The following LRP11 variants were observed in gnomAD, a reference collection of about 807,000 sequenced individuals.
The protein encoded by LRP11 is LDL receptor related protein 11.
A neutral mutation model predicts 43.1 loss-of-function variants in LRP11; 25 were observed. The observed-to-expected ratio is 0.58, with a 90% confidence interval of 0.42 to 0.81. The LOEUF (loss-of-function observed/expected upper bound fraction) is 0.81, where lower values mean the gene tolerates loss of function less well. LRP11 is among the 30% of genes least tolerant of loss of function. The probability of loss-of-function intolerance (pLI) is 0.00; values close to 1 mark genes in which losing one functional copy is unlikely to be tolerated. For missense variants in LRP11, 623 were observed against 665.1 expected (o/e 0.94, Z 0.70); for synonymous variants, 316 against 299.4 (o/e 1.06, Z -0.57).
chr6:149,849,847 T>C (rs759723655), intron 2 of LRP11, among the ~76,000 whole-genome samples: 4 of 152,304 alleles, frequency 2.6e-5, no homozygotes, highest in Admixed American at 6.5e-5. Flanking sequence ...AAATTAACTA[T>C]TAATTGTTTC....
rs73779588 is a variant in LRP11 at position 149,855,649 on chromosome 6, C to T, written c.614-2489G>A. Among the ~76,000 whole-genome samples, 745 of 150,260 alleles carry T rather than the reference C, an allele frequency of 5.0e-3. 9 individuals carry two copies. Among genetic ancestry groups the T allele is most frequent in the African/African-American group, 0.017 (708 of 40,884 alleles). On this transcript the variant is annotated intron_variant, in intron 1 of 6. Coordinates refer to ENST00000239367, the MANE Select transcript of LRP11 (RefSeq NM_032832.6). ...GAGGGGTCTGGGGCTCTTAGAGATG[C>T]GGCTTTTCTGAATGAGAATGCTGCT...
chr6:149,864,027 G>C lies in LRP11; in HGVS notation c.-7C>G, dbSNP rs1327482083. ...CCTGGGCGACGGAGGCCATGGCGAC[G>C]AGAGCCAAGGGCAGCGAGCCGAGGC... On this transcript the variant is annotated 5_prime_UTR_variant, in exon 1 of 7. Transcript: ENST00000239367. The C allele has an allele frequency of 6.0e-6, 8 of 1,330,716 alleles. No individual in the cohort carries two copies. The highest frequency in any genetic ancestry group is 1.5e-5 in the African/African-American group (1 of 64,614). 82.4% of individuals were successfully genotyped at this position (1,330,716 alleles called of 1,614,324 possible).
intron 2 of LRP11, among the ~76,000 whole-genome samples, chr6:149,852,144 G>A (rs748150066): frequency 1.3e-5 from 2 of 152,160 alleles, no homozygotes; most frequent in African/African-American, 2.4e-5. Flanking sequence ...AAACCATACT[G>A]GACGAGGGTG....
chr6:149,863,147 A>G (rs371338711), intron 1 of LRP11, among the ~76,000 whole-genome samples: 2 of 152,324 alleles, frequency 1.3e-5, no homozygotes, highest in African/African-American at 4.8e-5. Flanking sequence ...CTTTTAAGTC[A>G]TATTTCCACG....
At chr6:149,858,410 G>A (rs749616226) in intron 1 of LRP11, among the ~76,000 whole-genome samples, 2 of 152,166 alleles carry the variant, frequency 1.3e-5, no homozygotes, top group Non-Finnish European at 2.9e-5. Flanking sequence ...AGTCCATGGA[G>A]TATATGTGCC....
intron 1 of LRP11, among the ~76,000 whole-genome samples, chr6:149,855,711 T>TA (rs1776788243): frequency 5.0e-5 from 7 of 138,950 alleles, no homozygotes; most frequent in Admixed American, 1.4e-4. Flanking sequence ...TTTTTTTTTT[T>TA]TAAAAAAAAA....
intron 1 of LRP11, among the ~76,000 whole-genome samples, chr6:149,857,593 T>G (rs1776820055): frequency 1.3e-5 from 2 of 152,042 alleles, no homozygotes; most frequent in Non-Finnish European, 2.9e-5. Flanking sequence ...CTGGACTGCC[T>G]TTGCAAAACT....
chr6:149,826,974 CTT>C (rs35335842), intron 5 of LRP11, among the ~76,000 whole-genome samples: 14 of 143,758 alleles, frequency 9.7e-5, no homozygotes, highest in Admixed American at 6.9e-5. Flanking sequence ...TATTTATTTA[CTT>C]TTTTTTTTTT....
At position 149,849,867 on chromosome 6, in the gene LRP11, C is replaced by G. The variant is rs73779583; in HGVS notation, c.771+3136G>C. On this transcript the variant is annotated intron_variant, in intron 2 of 6. Coordinates refer to ENST00000239367, the MANE Select transcript of LRP11 (RefSeq NM_032832.6). ...AACTATTAATTGTTTCATAACTAAT[C>G]TGACAGCATAATTCCTTGCAGGTTG... 5.0e-3 allele frequency among the ~76,000 whole-genome samples: 765 copies of G among 152,330 alleles called. 9 individuals are homozygous for G. The highest frequency in any genetic ancestry group is 0.018 in the African/African-American group (728 of 41,570).
At chr6:149,842,610 GT>G (rs1297852249) in intron 3 of LRP11, 1 of 1,548,526 alleles carries the variant, frequency 6.5e-7, no homozygotes. Context: ...GCTTCCACGA[GT>G]TCAACTGGTT....
chr6:149,822,210 T>C (rs1007584120), intron 6 of LRP11, among the ~76,000 whole-genome samples: 2 of 152,002 alleles, frequency 1.3e-5, no homozygotes, highest in African/African-American at 4.8e-5. Context: ...AGTTGTGGCA[T>C]GCACCTGCAG....
chr6:149,831,045 T>A (rs917451329), intron 5 of LRP11, among the ~76,000 whole-genome samples: 2 of 152,226 alleles, frequency 1.3e-5, no homozygotes, highest in Admixed American at 1.3e-4. Flanking sequence ...GTGTGGCGAA[T>A]CGAAACAAAA....
intron 5 of LRP11, 126 bp from the exon 6 acceptor site, chr6:149,826,485 A>G: frequency 1.6e-6 from 1 of 644,956 alleles, no homozygotes. Context: ...TTTCTCTACT[A>G]AACAAAGGCC....
intron 1 of LRP11, among the ~76,000 whole-genome samples, chr6:149,855,712 TAA>T (rs533657838): frequency 0.087 from 10,701 of 122,496 alleles, 1,007 homozygotes; most frequent in African/African-American, 0.24. Flanking sequence ...TTTTTTTTTT[TAA>T]AAAAAAAACA....
Position 149,842,536 on chromosome 6 carries a change from C to A in LRP11, c.913+447G>T. 3 of 1,024,850 alleles carry A rather than the reference C, an allele frequency of 2.9e-6. No individual in the cohort carries two copies. In the South Asian group the frequency reaches 4.1e-5, roughly 14 times the overall value. The allele number at this position is 1,024,850 out of a possible 1,614,324, so 63.5% of individuals were successfully genotyped here. On this transcript the variant is annotated intron_variant, in intron 3 of 6. Transcript: ENST00000239367. ...CTCAGTGACACTTTGTACCCTTTGA[C>A]CAGCGTCTCTCCTTTCCCAGTCCGT...
intron 5 of LRP11, among the ~76,000 whole-genome samples, chr6:149,826,791 T>C (rs1486309701): frequency 6.6e-6 from 1 of 152,166 alleles, no homozygotes; most frequent in Non-Finnish European, 1.5e-5. Flanking sequence ...CAGGTATAAA[T>C]AGCTCAATTT....
chr6:149,832,252 C>T (rs911575835), intron 5 of LRP11, among the ~76,000 whole-genome samples: 7 of 136,076 alleles, frequency 5.1e-5, no homozygotes, highest in South Asian at 2.3e-4. Context: ...AGTGCAGTGG[C>T]GCAATCTTGG....
chr6:149,822,149 A>G (rs1165433318), intron 6 of LRP11, among the ~76,000 whole-genome samples: 1 of 152,058 alleles, frequency 6.6e-6, no homozygotes, highest in African/African-American at 2.4e-5. Context: ...GGAGTTCGAG[A>G]CCAGCCTGGG....
At chr6:149,828,979 C>T (rs1315958141) in intron 5 of LRP11, among the ~76,000 whole-genome samples, 1 of 152,078 alleles carries the variant, frequency 6.6e-6, no homozygotes, top group African/African-American at 2.4e-5. Flanking sequence ...AAAAGAAACA[C>T]AAGATTTGTT....
Sources: gnomAD v4.1 joint callset for allele counts (sites outside exome capture counted in the v4.1 genomes callset) on GRCh38, gnomAD v4.1.1 for gene constraint, MANE v1.5 for transcripts, NCBI Gene and HGNC (gene_info 2026-07-23, HGNC 2026-07-21) for gene names.